NR3C1: variants seen among roughly 807,000 people sequenced by gnomAD.
NR3C1 encodes glucocorticoid receptor.
Under a neutral mutation model 74.0 loss-of-function variants are expected in NR3C1, and 14 were observed. The ratio of observed to expected loss-of-function variants is 0.19; its 90% CI spans 0.12 to 0.30. The LOEUF (loss-of-function observed/expected upper bound fraction) is 0.30, where lower values mean the gene tolerates loss of function less well. Among genes scored for constraint, NR3C1 ranks in the 10% least tolerant of loss-of-function variants. The pLI, the probability that NR3C1 is intolerant of heterozygous loss-of-function variation, is 1.00. For synonymous variants in NR3C1, 308 were observed against 332.5 expected (o/e 0.93, Z 0.80); for missense variants, 695 against 909.8 (o/e 0.76, Z 3.04).
intron 2 of NR3C1, among the ~76,000 whole-genome samples, chr5:143,369,628 G>A (rs915523162): frequency 3.3e-5 from 5 of 152,156 alleles, no homozygotes; most frequent in South Asian, 2.1e-4. Flanking sequence ...CTATTTATAC[G>A]AAATGTCCAG....
chr5:143,403,267 TA>T lies in NR3C1; in HGVS notation c.-71del. ...TCCGCAGTTCCCGCCGCAGCCGAGA[TA>T]AACAACTTAGCTTGTGAACGCAGAA... is the stretch of plus-strand genomic sequence containing the variant. On this transcript the variant is annotated 5_prime_UTR_variant, in exon 1 of 9. The change abolishes the stop of an existing upstream ORF in the 5' untranslated region. Coordinates refer to ENST00000394464, the MANE Select transcript of NR3C1 (RefSeq NM_000176.3). The T allele has an allele frequency of 1.0e-6, 1 of 985,434 alleles. No individual in the cohort carries two copies. The highest frequency in any genetic ancestry group is 1.2e-6 in the Non-Finnish European group (1 of 830,030). 61.0% of individuals were successfully genotyped at this position (985,434 alleles called of 1,614,324 possible).
intron 1 of NR3C1, among the ~76,000 whole-genome samples, chr5:143,412,055 CT>C (rs1038440314): frequency 1.3e-5 from 2 of 151,922 alleles, no homozygotes; most frequent in Non-Finnish European, 2.9e-5. Flanking sequence ...ACTTTTTATG[CT>C]AAGAGAAGAC....
chr5:143,279,248 GCCT>G lies in NR3C1; in HGVS notation c.*2638_*2640del. The G allele has an allele frequency of 1.7e-6, 2 of 1,183,022 alleles. No homozygotes were observed. Among genetic ancestry groups the G allele is most frequent in the South Asian group, 3.2e-5 (2 of 62,612 alleles). 73.3% of individuals were successfully genotyped at this position (1,183,022 alleles called of 1,614,324 possible). A position where few individuals can be genotyped will look rare whatever the true frequency, so the allele number is the denominator to read the frequency against. On this transcript the variant is annotated 3_prime_UTR_variant, in exon 9 of 9. Coordinates refer to ENST00000394464, the MANE Select transcript of NR3C1 (RefSeq NM_000176.3). ...AGCTTCTTTTCCCATTTAATGAAAA[GCCT>G]CCTATAGTTGTCGATGAGCATCAGT...
intron 2 of NR3C1, among the ~76,000 whole-genome samples, chr5:143,348,152 C>T (rs1475623908): frequency 1.3e-5 from 2 of 152,182 alleles, no homozygotes; most frequent in African/African-American, 2.4e-5. Context: ...GATTTTGTCT[C>T]ACAGCATCAG....
chr5:143,303,412 G>A (rs1818917677), intron 4 of NR3C1, among the ~76,000 whole-genome samples: 1 of 151,814 alleles, frequency 6.6e-6, no homozygotes, highest in Non-Finnish European at 1.5e-5. Context: ...CCAATAACGA[G>A]TTCTGAAATT....
intron 1 of NR3C1, among the ~76,000 whole-genome samples, chr5:143,422,088 T>C (rs1378771445): frequency 6.6e-6 from 1 of 152,122 alleles, no homozygotes; most frequent in African/African-American, 2.4e-5. Context: ...TAATACCCAG[T>C]TTTCTCTTAC....
At chr5:143,330,817 A>G (rs1437813235) in intron 2 of NR3C1, among the ~76,000 whole-genome samples, 1 of 152,250 alleles carries the variant, frequency 6.6e-6, no homozygotes, top group Non-Finnish European at 1.5e-5. Context: ...AAATAGTTAA[A>G]TACAACAACA....
chr5:143,320,326 A>T (rs1035190005), intron 2 of NR3C1, among the ~76,000 whole-genome samples: 3 of 152,210 alleles, frequency 2.0e-5, no homozygotes, highest in African/African-American at 7.2e-5. Context: ...GCATTTATTG[A>T]GAGAGGTTTG....
chr5:143,390,980 G>C (rs947175493), intron 2 of NR3C1, among the ~76,000 whole-genome samples: 6 of 152,028 alleles, frequency 3.9e-5, no homozygotes, highest in Admixed American at 3.3e-4. Flanking sequence ...GTTTCAAAGA[G>C]GAGCAATATA....
chr5:143,372,711 G>T (rs1834434735), intron 2 of NR3C1, among the ~76,000 whole-genome samples: 3 of 152,144 alleles, frequency 2.0e-5, no homozygotes, highest in Admixed American at 2.0e-4. Context: ...TAACATAAAA[G>T]TTGGGGAGGC....
At position 143,281,481 on chromosome 5, in the gene NR3C1, G is replaced by A. The variant is rs138959389; in HGVS notation, c.*408C>T. ...CAAAAATGCTATCCTAACTATACAG[G>A]GGGGGGATACACCAACAGAAAGTCT... On this transcript the variant is annotated 3_prime_UTR_variant, in exon 9 of 9. Transcript: ENST00000394464. 5 of 228,328 alleles carry A rather than the reference G, an allele frequency of 2.2e-5. No individual in the cohort carries two copies. The East Asian group carries it at 4.6e-4, about 21-fold the overall frequency. The allele number at this position is 228,328 out of a possible 1,614,324, so 14.1% of individuals were successfully genotyped here. A position where few individuals can be genotyped will look rare whatever the true frequency, so the allele number is the denominator to read the frequency against.
intron 1 of NR3C1, among the ~76,000 whole-genome samples, chr5:143,416,580 C>T (rs766268677): frequency 2.0e-5 from 3 of 152,172 alleles, no homozygotes; most frequent in Non-Finnish European, 2.9e-5. Flanking sequence ...ATTATTCCCC[C>T]TCCTTCTCTT....
chr5:143,295,304 CCTTT>C, intron 7 of NR3C1, 152 bp downstream of exon 7: 3 of 1,368,408 alleles, frequency 2.2e-6, no homozygotes, highest in South Asian at 1.6e-5. Context: ...ACTTACTGTG[CCTTT>C]CTAATATTTT....
intron 3 of NR3C1, among the ~76,000 whole-genome samples, chr5:143,312,515 G>A (rs1183367526): frequency 6.6e-6 from 1 of 152,026 alleles, no homozygotes; most frequent in Non-Finnish European, 1.5e-5. Flanking sequence ...GTAAAGCTCT[G>A]AATAAAGTGC....
intron 2 of NR3C1, 69 bp downstream of exon 2, chr5:143,399,587 T>A: frequency 8.6e-7 from 1 of 1,159,832 alleles, no homozygotes; most frequent in Non-Finnish European, 1.3e-6. Flanking sequence ...TATAAATCAA[T>A]GAAGATTTAC....
chr5:143,299,449 G>A (rs1043773060), intron 5 of NR3C1, among the ~76,000 whole-genome samples: 4 of 152,104 alleles, frequency 2.6e-5, no homozygotes, highest in South Asian at 2.1e-4. Context: ...ACCAGTGACC[G>A]GGAAAGATAG....
chr5:143,316,227 G>C (rs1049731936), intron 2 of NR3C1, among the ~76,000 whole-genome samples: 8 of 152,218 alleles, frequency 5.3e-5, no homozygotes, highest in Admixed American at 3.9e-4. Flanking sequence ...TGAATGGTGC[G>C]ACAATGTGTT....
At chr5:143,350,878 A>G (rs1328888497) in intron 2 of NR3C1, among the ~76,000 whole-genome samples, 8 of 152,184 alleles carry the variant, frequency 5.3e-5, no homozygotes, top group Non-Finnish European at 1.2e-4. Flanking sequence ...TGTCTAGCAC[A>G]GGGCTGGTGC....
chr5:143,308,008 G>A (rs1820015657), intron 4 of NR3C1, among the ~76,000 whole-genome samples: 1 of 152,236 alleles, frequency 6.6e-6, no homozygotes, highest in South Asian at 2.1e-4. Context: ...ACACTCTGCA[G>A]TTAAGTTTAA....
Sources: allele counts gnomAD v4.1 joint callset (sites outside exome capture counted in the v4.1 genomes callset), GRCh38; gene constraint gnomAD v4.1.1; transcripts MANE v1.5; gene names NCBI Gene and HGNC (gene_info 2026-07-23, HGNC 2026-07-21).